Variants in KCNH5 observed in about 807,000 individuals in gnomAD.
KCNH5 encodes the protein potassium voltage-gated channel subfamily H member 5, also known as voltage-gated delayed rectifier potassium channel KCNH5.
KCNH5 carries 46 observed loss-of-function variants against 96.1 expected under a neutral mutation model. That is an observed-to-expected ratio of 0.48 (90% CI 0.38 to 0.61). The LOEUF is 0.61. Ranked by LOEUF, KCNH5 falls within the 20% of genes least tolerant of loss-of-function variation. KCNH5 has a pLI of 0.00. For missense variants in KCNH5, 907 were observed against 1,225.8 expected, an observed-to-expected ratio of 0.74 and a Z score of 3.88; for synonymous variants, 439 against 449.8, an observed-to-expected ratio of 0.98 and a Z score of 0.30.
rs187762370 is a variant in KCNH5, at chr14:62,842,225, G to A, written c.1569+7428C>T. On this transcript the variant is annotated intron_variant, in intron 8 of 10. Coordinates refer to ENST00000322893, the MANE Select transcript of KCNH5 (RefSeq NM_139318.5). ...AACTAATATATATGTTTGAGTGTTC[G>A]AAATTACTATTATAAAAAGTATTGC... Among the ~76,000 whole-genome samples the A allele has an allele frequency of 6.6e-5, 10 of 152,242 alleles. No individual in the cohort carries two copies. The East Asian group carries it at 1.2e-3, about 18-fold the overall frequency.
chr14:63,010,524 G>A (rs966581343), intron 2 of KCNH5, among the ~76,000 whole-genome samples: 1 of 152,148 alleles, frequency 6.6e-6, no homozygotes, highest in Non-Finnish European at 1.5e-5. Context: ...TGAAGCAAAC[G>A]CTCACTCAGA....
chr14:62,853,633 C>T (rs1259618190), intron 7 of KCNH5, among the ~76,000 whole-genome samples: 2 of 151,536 alleles, frequency 1.3e-5, no homozygotes, highest in Non-Finnish European at 1.5e-5. Context: ...CTTCAGAGCC[C>T]CTTTACTAGC....
chr14:62,892,354 A>T lies in KCNH5; in HGVS notation c.1370-42502T>A, dbSNP rs114691624. The stretch of plus-strand genomic sequence containing the variant: ...CAGAGCAAGGCTCTAACTCTCCCCA[A>T]TTGTATGAAGGCTGAAAGAGGTAAG... On this transcript the variant is annotated intron_variant, in intron 7 of 10. Coordinates refer to ENST00000322893, the MANE Select transcript of KCNH5 (RefSeq NM_139318.5). 3.4e-3 allele frequency among the ~76,000 whole-genome samples: 512 copies of T among 152,322 alleles called. 4 individuals carry two copies. The highest frequency in any genetic ancestry group is 0.012 in the African/African-American group (490 of 41,584).
intron 7 of KCNH5, among the ~76,000 whole-genome samples, chr14:62,900,536 G>C (rs1425306664): frequency 1.5e-4 from 23 of 152,090 alleles, no homozygotes; most frequent in Non-Finnish European, 1.0e-4. Context: ...AAATAATGCT[G>C]TATCTTATAG....
chr14:62,989,126 G>A (rs1183491810), intron 4 of KCNH5, among the ~76,000 whole-genome samples: 1 of 151,846 alleles, frequency 6.6e-6, no homozygotes, highest in African/African-American at 2.4e-5. Context: ...TACTATGTCA[G>A]ACAACACAAC....
chr14:62,846,384 G>A (rs891788799), intron 8 of KCNH5, among the ~76,000 whole-genome samples: 2 of 152,024 alleles, frequency 1.3e-5, no homozygotes, highest in African/African-American at 4.8e-5. Context: ...TTTCTAGTGT[G>A]AAAGATTTTA....
chr14:63,027,177 C>T (rs1171455126), intron 1 of KCNH5, among the ~76,000 whole-genome samples: 1 of 151,888 alleles, frequency 6.6e-6, no homozygotes, highest in Non-Finnish European at 1.5e-5. Flanking sequence ...AAAATGGTGG[C>T]TACCAAAGGC....
At chr14:63,031,876 C>T (rs556446113) in intron 1 of KCNH5, among the ~76,000 whole-genome samples, 55 of 151,882 alleles carry the variant, frequency 3.6e-4, no homozygotes, top group Non-Finnish European at 6.3e-4. Context: ...TATATATATA[C>T]AATTTTTAAG....
intron 2 of KCNH5, among the ~76,000 whole-genome samples, chr14:63,009,196 C>T (rs545238630): frequency 6.6e-6 from 1 of 151,882 alleles, no homozygotes; most frequent in Admixed American, 6.6e-5. Context: ...AAAATTAACT[C>T]CAATAAGATT....
At chr14:62,737,172 A>T (rs1885176073) in intron 10 of KCNH5, among the ~76,000 whole-genome samples, 1 of 152,160 alleles carries the variant, frequency 6.6e-6, no homozygotes, top group Admixed American at 6.6e-5. Flanking sequence ...CATTATCTTC[A>T]AATAGATTAT....
At chr14:62,807,146 G>C (rs1886783688) in intron 8 of KCNH5, among the ~76,000 whole-genome samples, 1 of 151,950 alleles carries the variant, frequency 6.6e-6, no homozygotes, top group Non-Finnish European at 1.5e-5. Flanking sequence ...TATTACTCAG[G>C]GTGACCATCT....
chr14:62,752,431 T>C (rs1324224454), intron 10 of KCNH5, among the ~76,000 whole-genome samples: 2 of 151,340 alleles, frequency 1.3e-5, no homozygotes, highest in Admixed American at 6.6e-5. Context: ...GCTTTGGTTA[T>C]TGGATGACAT....
At position 62,821,435 on chromosome 14, in the gene KCNH5, C is replaced by T. The variant is rs1251722020; in HGVS notation, c.1570-18854G>A. Among the ~76,000 whole-genome samples, 4 of 152,158 alleles carry T rather than the reference C, an allele frequency of 2.6e-5. No homozygotes were observed. The East Asian group carries it at 7.7e-4, about 29-fold the overall frequency. On this transcript the variant is annotated intron_variant, in intron 8 of 10. Transcript: ENST00000322893. ...TATTTGCATGAGCCCATTTTGTAAA[C>T]ACAGGGGAAATATATTTTTTTAACT... is the stretch of plus-strand genomic sequence containing the variant.
chr14:62,710,010 G>A (rs10873161), intron 10 of KCNH5, among the ~76,000 whole-genome samples: 143,279 of 152,098 alleles, frequency 0.94, 67,968 homozygotes, highest in East Asian at 1. Flanking sequence ...CAGACACTCA[G>A]CATACGTTGG....
intron 8 of KCNH5, among the ~76,000 whole-genome samples, chr14:62,813,117 C>T (rs1190080041): frequency 6.6e-6 from 1 of 152,098 alleles, no homozygotes; most frequent in Non-Finnish European, 1.5e-5. Flanking sequence ...ATCTTTAAGG[C>T]TGTTGCCAAA....
At chr14:63,000,007 T>A (rs1890983185) in intron 4 of KCNH5, among the ~76,000 whole-genome samples, 1 of 152,286 alleles carries the variant, frequency 6.6e-6, no homozygotes, top group Non-Finnish European at 1.5e-5. Context: ...TGGGTCCAAA[T>A]TGAATACTTT....
At chr14:62,732,121 A>G (rs1885062786) in intron 10 of KCNH5, among the ~76,000 whole-genome samples, 2 of 152,116 alleles carry the variant, frequency 1.3e-5, no homozygotes, top group African/African-American at 4.8e-5. Flanking sequence ...TCTCTTCAAA[A>G]TCCACACAGA....
intron 6 of KCNH5, among the ~76,000 whole-genome samples, chr14:62,964,618 T>C (rs1485747381): frequency 6.6e-6 from 1 of 152,124 alleles, no homozygotes; most frequent in Non-Finnish European, 1.5e-5. Flanking sequence ...TCTTAGAACA[T>C]TTATTTAAGA....
At chr14:62,945,959 T>C (rs1166618206) in intron 7 of KCNH5, among the ~76,000 whole-genome samples, 1 of 152,096 alleles carries the variant, frequency 6.6e-6, no homozygotes, top group Non-Finnish European at 1.5e-5. Flanking sequence ...ATCTGGACTT[T>C]ATTTCACACA....
Sources: allele counts gnomAD v4.1 joint callset (sites outside exome capture counted in the v4.1 genomes callset), GRCh38; gene constraint gnomAD v4.1.1; transcripts MANE v1.5; gene names NCBI Gene and HGNC (gene_info 2026-07-23, HGNC 2026-07-21).